VARS2: variants seen among roughly 807,000 people sequenced by gnomAD.
VARS2 encodes the protein valine--tRNA ligase, mitochondrial.
VARS2 carries 105 observed loss-of-function variants against 154.1 expected under a neutral mutation model. The observed-to-expected ratio is 0.68, with a 90% confidence interval of 0.58 to 0.80. VARS2 has a LOEUF of 0.80. VARS2 is among the 30% of genes least tolerant of loss of function. VARS2 has a pLI of 0.00. For missense variants in VARS2, 1,157 were observed against 1,361.4 expected (o/e 0.85, Z 2.36); for synonymous variants, 483 against 539.5 (o/e 0.90, Z 1.45).
Position 30,917,892 on chromosome 6 carries a change from AGTCCATCT to A in VARS2, c.985+87_985+94del. On this transcript the variant is annotated intron_variant, in intron 10 of 29. Transcript: ENST00000676266. This position sits in a 1 kb window ranked among gnomAD's most constrained non-coding sequence, Gnocchi z 4.4. ...CATGTTGGGCTGCTAGGAACCCATC[AGTCCATCT>A]CTCACATGTACCTTGGTAGTGTTCA... 1 of 1,338,246 alleles carries A rather than the reference AGTCCATCT, an allele frequency of 7.5e-7. No individual in the cohort carries two copies. The highest frequency in any genetic ancestry group is 1.0e-6 in the Non-Finnish European group (1 of 958,454). The allele number at this position is 1,338,246 out of a possible 1,614,324, so 82.9% of individuals were successfully genotyped here.
chr6:30,917,565 C>T lies in VARS2; in HGVS notation c.874-130C>T. On this transcript the variant is annotated intron_variant, in intron 9 of 29. Coordinates refer to ENST00000676266, the MANE Select transcript of VARS2 (RefSeq NM_020442.6). The surrounding 1 kb of genome is among the most constrained non-coding windows in gnomAD (Gnocchi z 4.4). ...TGGGTGAGGGCAGAGGGAGGTAGCT[C>T]CCGAATCCTCCAAATGGCTTTTAGA... 2.3e-6 allele frequency: 2 copies of T among 869,894 alleles called. No homozygotes were observed. The highest frequency in any genetic ancestry group is 3.5e-6 in the Non-Finnish European group (2 of 575,040). 53.9% of individuals were successfully genotyped at this position (869,894 alleles called of 1,614,324 possible).
intron 25 of VARS2, chr6:30,923,886 C>T (rs974876666): frequency 2.2e-5 from 8 of 364,922 alleles, no homozygotes; most frequent in Non-Finnish European, 4.0e-5. Flanking sequence ...TCACGCTGTC[C>T]TACGTCCAAA....
intron 26 of VARS2, among the ~76,000 whole-genome samples, chr6:30,924,799 C>T (rs930870549): frequency 2.0e-5 from 3 of 152,204 alleles, no homozygotes; most frequent in South Asian, 4.1e-4. Context: ...GCTGTGTGAT[C>T]GAGCCTCAGT....
Position 30,920,856 on chromosome 6 carries a change from C to A in VARS2, c.1479+107C>A. 8.8e-7 allele frequency: 1 copy of A among 1,139,566 alleles called. No individual in the cohort carries two copies. The highest frequency in any genetic ancestry group is 1.2e-6 in the Non-Finnish European group (1 of 815,514). The allele number at this position is 1,139,566 out of a possible 1,614,324, so 70.6% of individuals were successfully genotyped here. A position where few individuals can be genotyped will look rare whatever the true frequency, so the allele number is the denominator to read the frequency against. ...AGACCTCCTGCCCTGAAGACCTCTCCAGCTGTGGTAACTGAGAGGATGTGT... is the reference window on the plus strand; with the variant it reads ...AGACCTCCTGCCCTGAAGACCTCTCAAGCTGTGGTAACTGAGAGGATGTGT... On this transcript the variant is annotated intron_variant, in intron 15 of 29. Transcript: ENST00000676266. This position sits in a 1 kb window ranked among gnomAD's most constrained non-coding sequence, Gnocchi z 4.6.
Position 30,922,925 on chromosome 6 carries a change from G to A in VARS2, c.2134G>A (p.Glu712Lys), listed in dbSNP as rs747737979. Residue 712 changes from glutamate to lysine, a missense_variant, in exon 23 of 30, where the codon GAG (glutamate) becomes AAG (lysine). Coordinates refer to ENST00000676266, the MANE Select transcript of VARS2 (RefSeq NM_020442.6). ...QKKDFPHGIP[E>K]CGTDALRFTL... The stretch of plus-strand genomic sequence containing the variant: ...AAAGGACTTTCCTCACGGGATCCCT[G>A]AGTGTGGGACAGATGCCCTGAGATT... 2 of 1,609,106 alleles carry A rather than the reference G, an allele frequency of 1.2e-6. No individual in the cohort carries two copies. Among genetic ancestry groups the A allele is most frequent in the Non-Finnish European group, 1.7e-6 (2 of 1,177,340 alleles).
chr6:30,925,600 CCCCTGGGCA>C lies in VARS2; in HGVS notation c.2851_2859del (p.Thr951_Gly953del). 1 of 1,610,798 alleles carries C rather than the reference CCCCTGGGCA, an allele frequency of 6.2e-7. No homozygotes were observed. Among genetic ancestry groups the C allele is most frequent in the East Asian group, 2.2e-5 (1 of 44,870 alleles). Reference sequence around the variant, plus strand: ...GGGCCTCTTCGAGGCCTTCTTGGAGCCCCTGGGCACCCTGGGCTACTGTGGGGCTGTGGG... The same window carrying C: ...GGGCCTCTTCGAGGCCTTCTTGGAGCCCCTGGGCTACTGTGGGGCTGTGGG... On this transcript the variant is annotated inframe_deletion, in exon 28 of 30. Coordinates refer to ENST00000676266, the MANE Select transcript of VARS2 (RefSeq NM_020442.6).
In VARS2 at chr6:30,921,092, A is replaced by T; in HGVS notation, c.1507A>T (p.Ser503Cys). The change falls in exon 16 of 30, where the codon AGT becomes TGT. Residue 503 changes from serine (S) to cysteine (C), a missense_variant. Transcript: ENST00000676266. The surrounding 1 kb of genome is among the most constrained non-coding windows in gnomAD (Gnocchi z 4.6). ...TGTGGAGTCGGGGGCCCTGGAGCTC[A>T]GTCCCTCCTTCCACCAGAAGAACTG... Reference protein sequence around the residue: ...KAVESGALELSPSFHQKNWQH... With the variant: ...KAVESGALELCPSFHQKNWQH... The T allele has an allele frequency of 6.2e-7, 1 of 1,613,818 alleles. No homozygotes were observed. Among genetic ancestry groups the T allele is most frequent in the Non-Finnish European group, 8.5e-7 (1 of 1,179,852 alleles).
intron 24 of VARS2, 38 bp from the exon 25 acceptor site, chr6:30,923,315 G>A: frequency 1.9e-6 from 3 of 1,606,638 alleles, no homozygotes; most frequent in Non-Finnish European, 2.6e-6. Context: ...GGAGGCAGGG[G>A]AGGGGGAGTC....
chr6:30,917,183 A>AC lies in VARS2; in HGVS notation c.832_833insC (p.Asn278ThrfsTer14). The stretch of plus-strand genomic sequence containing the variant: ...GCTGTACCGGAACCATCAGCTTGTC[A>AC]ACTGGTCATGTGCTTTAAGATCAGC... On this transcript the variant is annotated frameshift_variant, in exon 9 of 30. Coordinates refer to ENST00000676266, the MANE Select transcript of VARS2 (RefSeq NM_020442.6). LOFTEE classifies it high-confidence loss of function. The surrounding 1 kb of genome is among the most constrained non-coding windows in gnomAD (Gnocchi z 4.4). The AC allele has an allele frequency of 1.9e-6, 3 of 1,614,150 alleles. No individual in the cohort carries two copies. The highest frequency in any genetic ancestry group is 2.5e-6 in the Non-Finnish European group (3 of 1,180,030).
In VARS2 at chr6:30,921,952, CTTCTGCCCTGTTCCCCTT is replaced by C. The variant is rs771970781; in HGVS notation, c.1774_1791del (p.Phe592_Leu597del). Reference sequence around the variant, plus strand: ...CCTGATGTCCTAGACACATGGTTTTCTTCTGCCCTGTTCCCCTTTTCTGCCCTGGGCTGGCCCCAAGAG... The same window carrying C: ...CCTGATGTCCTAGACACATGGTTTTCTTCTGCCCTGGGCTGGCCCCAAGAG... On this transcript the variant is annotated inframe_deletion, in exon 19 of 30. Coordinates refer to ENST00000676266, the MANE Select transcript of VARS2 (RefSeq NM_020442.6). The surrounding 1 kb of genome is among the most constrained non-coding windows in gnomAD (Gnocchi z 4.6). 6.2e-7 allele frequency: 1 copy of C among 1,613,044 alleles called. No individual in the cohort carries two copies. Among genetic ancestry groups the C allele is most frequent in the Non-Finnish European group, 8.5e-7 (1 of 1,180,018 alleles).
Position 30,925,313 on chromosome 6 carries a change from C to T in VARS2, c.2713C>T (p.Arg905Trp), listed in dbSNP as rs745611855. The change falls in exon 27 of 30, where the codon CGG becomes TGG. Residue 905 changes from arginine to tryptophan, a missense_variant. Transcript: ENST00000676266. ...RQPELERRFS[R>W]VQEVVQVLRA... The stretch of plus-strand genomic sequence containing the variant: ...GCCAGAGCTGGAGCGGCGCTTCTCC[C>T]GGGTCCAAGAGGTCGTGCAGGTGCT... 22 of 1,612,576 alleles carry T rather than the reference C, an allele frequency of 1.4e-5. No homozygotes were observed. The highest frequency in any genetic ancestry group is 8.9e-5 in the East Asian group (4 of 44,858).
rs905318835 is a variant in VARS2 at position 30,922,124 on chromosome 6, C to G, written c.1815C>G (p.Asp605Glu). 6.2e-7 allele frequency: 1 copy of G among 1,612,752 alleles called. No homozygotes were observed. The highest frequency in any genetic ancestry group is 8.5e-7 in the Non-Finnish European group (1 of 1,179,892). The change falls in exon 20 of 30, where the codon GAC becomes GAG. Residue 605 changes from aspartate (D) to glutamate (E), a missense_variant. Transcript: ENST00000676266. The part of the protein sequence containing the change: ...SALGWPQETP[D>E]LARFYPLSLL... ...GCTCCTCTTCCCCCTAGACCCCAGACCTTGCTCGTTTCTACCCCCTGTCAC... is the reference window on the plus strand; with the variant it reads ...GCTCCTCTTCCCCCTAGACCCCAGAGCTTGCTCGTTTCTACCCCCTGTCAC...
In VARS2 at chr6:30,925,920, C is replaced by T; in HGVS notation, c.3002C>T (p.Ala1001Val). 6.2e-7 allele frequency: 1 copy of T among 1,613,058 alleles called. No individual in the cohort carries two copies. The highest frequency in any genetic ancestry group is 1.1e-5 in the South Asian group (1 of 91,082). Residue 1001 changes from alanine (A) to valine (V), a missense_variant, in exon 29 of 30, where the codon GCC (alanine) becomes GTC (valine). Physicochemically the swap from Ala to Val is moderately conservative, Grantham distance 64. Transcript: ENST00000676266. The stretch of plus-strand genomic sequence containing the variant: ...CAGATCCAGCTACCTCTGTTAGCCG[C>T]CCGAAGGTACAAGTTGCAGAAGCAG... The part of the protein sequence containing the change: ...DPQIQLPLLA[A>V]RRYKLQKQLD...
rs111371873 is a variant in VARS2 at position 30,919,465 on chromosome 6, G to A, written c.1075-293G>A. 0.036 allele frequency: 10,174 copies of A among 284,736 alleles called. 329 individuals carry two copies. The highest frequency in any genetic ancestry group is 0.097 in the African/African-American group (4,434 of 45,872). 17.6% of individuals were successfully genotyped at this position (284,736 alleles called of 1,614,324 possible). ...CTCCCAAAGTGCTGGGATTACAGGCGTGAGCCGCCGCGCCTGGCTGCTTGC... is the reference window on the plus strand; with the variant it reads ...CTCCCAAAGTGCTGGGATTACAGGCATGAGCCGCCGCGCCTGGCTGCTTGC... On this transcript the variant is annotated intron_variant, in intron 11 of 29. Coordinates refer to ENST00000676266, the MANE Select transcript of VARS2 (RefSeq NM_020442.6). The surrounding 1 kb of genome is among the most constrained non-coding windows in gnomAD (Gnocchi z 4.5).
At position 30,919,511 on chromosome 6, in the gene VARS2, C is replaced by T. The variant is rs895106674; in HGVS notation, c.1075-247C>T. The T allele has an allele frequency of 5.3e-6, 2 of 378,376 alleles. No homozygotes were observed. The highest frequency in any genetic ancestry group is 9.4e-6 in the Non-Finnish European group (2 of 211,988). The allele number at this position is 378,376 out of a possible 1,614,324, so 23.4% of individuals were successfully genotyped here. On this transcript the variant is annotated intron_variant, in intron 11 of 29. Coordinates refer to ENST00000676266, the MANE Select transcript of VARS2 (RefSeq NM_020442.6). The surrounding 1 kb of genome is among the most constrained non-coding windows in gnomAD (Gnocchi z 4.5). ...CTTGCAGCCTTTATATTATCTATGG[C>T]TGCTATTATATACCCTCTCCAGCTC... is the stretch of plus-strand genomic sequence containing the variant.
Position 30,921,537 on chromosome 6 carries a change from C to G in VARS2, c.1633-52C>G. ...GGACGTGAAAACCAAGTGACATTTACACCTGTCAGCTGTTCTTCCTCACTC... is the reference window on the plus strand; with the variant it reads ...GGACGTGAAAACCAAGTGACATTTAGACCTGTCAGCTGTTCTTCCTCACTC... On this transcript the variant is annotated intron_variant, in intron 17 of 29. Coordinates refer to ENST00000676266, the MANE Select transcript of VARS2 (RefSeq NM_020442.6). The surrounding 1 kb of genome is among the most constrained non-coding windows in gnomAD (Gnocchi z 4.6). The G allele has an allele frequency of 3.9e-6, 6 of 1,557,860 alleles. No individual in the cohort carries two copies. In the South Asian group the frequency reaches 7.0e-5, roughly 18 times the overall value.
Position 30,923,441 on chromosome 6 carries a change from A to G in VARS2, c.2402A>G (p.Glu801Gly), listed in dbSNP as rs1470418465. The change falls in exon 25 of 30, where the codon GAG becomes GGG. Residue 801 changes from glutamate to glycine, a missense_variant. Glu to Gly is a moderately conservative substitution (Grantham distance 98). Coordinates refer to ENST00000676266, the MANE Select transcript of VARS2 (RefSeq NM_020442.6). ...QECERGFLTRELSLVTHALHH... is the reference protein window; with the variant it reads ...QECERGFLTRGLSLVTHALHH... Reference sequence around the variant, plus strand: ...TGTGAGCGGGGCTTCCTCACCCGAGAGCTCTCGCTCGTCACTCATGCCCTG... The same window carrying G: ...TGTGAGCGGGGCTTCCTCACCCGAGGGCTCTCGCTCGTCACTCATGCCCTG... 1.2e-6 allele frequency: 2 copies of G among 1,612,132 alleles called. No individual in the cohort carries two copies. The highest frequency in any genetic ancestry group is 1.7e-6 in the Non-Finnish European group (2 of 1,180,022).
At position 30,917,014 on chromosome 6, in the gene VARS2, T is replaced by G; in HGVS notation, c.753+55T>G. 1 of 1,613,390 alleles carries G rather than the reference T, an allele frequency of 6.2e-7. No homozygotes were observed. Among genetic ancestry groups the G allele is most frequent in the Non-Finnish European group, 8.5e-7 (1 of 1,179,432 alleles). ...GTGATGGGCGATGTTTAGGGATCTG[T>G]GTGGGGCAGGGAGGAAGCAATGCCT... On this transcript the variant is annotated intron_variant, in intron 8 of 29. Transcript: ENST00000676266. The surrounding 1 kb of genome is among the most constrained non-coding windows in gnomAD (Gnocchi z 4.4).
Position 30,921,213 on chromosome 6 carries a change from G to C in VARS2, c.1557-17G>C, listed in dbSNP as rs767208143. On this transcript the variant is annotated splice_polypyrimidine_tract_variant and intron_variant, in intron 16 of 29. Coordinates refer to ENST00000676266, the MANE Select transcript of VARS2 (RefSeq NM_020442.6). This position sits in a 1 kb window ranked among gnomAD's most constrained non-coding sequence, Gnocchi z 4.6. ...CTGACTGGTTATTCTAAGACTTCACGAATGTCCTCCCGGCAGGGACTGGTG... is the reference window on the plus strand; with the variant it reads ...CTGACTGGTTATTCTAAGACTTCACCAATGTCCTCCCGGCAGGGACTGGTG... 1.2e-6 allele frequency: 2 copies of C among 1,614,084 alleles called. No individual in the cohort carries two copies. The highest frequency in any genetic ancestry group is 2.2e-5 in the East Asian group (1 of 44,866).
Sources: allele counts gnomAD v4.1 joint callset (sites outside exome capture counted in the v4.1 genomes callset), GRCh38; gene constraint gnomAD v4.1.1; non-coding constraint Gnocchi (gnomAD v3.1); transcripts MANE v1.5; gene names NCBI Gene and HGNC (gene_info 2026-07-23, HGNC 2026-07-21).